Variants in KCNK2 observed in about 807,000 individuals in gnomAD.
KCNK2 encodes potassium channel subfamily K member 2.
A neutral mutation model predicts 40.5 loss-of-function variants in KCNK2; 21 were observed. That is an observed-to-expected ratio of 0.52 (90% CI 0.37 to 0.75). The LOEUF (loss-of-function observed/expected upper bound fraction) is 0.75, where lower values mean the gene tolerates loss of function less well. Ranked by LOEUF, KCNK2 falls within the 30% of genes least tolerant of loss-of-function variation. The pLI, the probability that KCNK2 is intolerant of heterozygous loss-of-function variation, is 0.00. For synonymous variants in KCNK2, 191 were observed against 202.2 expected, an observed-to-expected ratio of 0.94 and a Z score of 0.47; for missense variants, 399 against 531.6, an observed-to-expected ratio of 0.75 and a Z score of 2.45.
intron 2 of KCNK2, among the ~76,000 whole-genome samples, chr1:215,093,667 T>G (rs12080877): frequency 0.01 from 1,027 of 99,180 alleles, 20 homozygotes; most frequent in African/African-American, 0.041. Context: ...AGGATATATA[T>G]AGAATATACA....
intron 5 of KCNK2, among the ~76,000 whole-genome samples, chr1:215,178,667 C>A (rs1664095139): frequency 6.6e-6 from 1 of 152,048 alleles, no homozygotes; most frequent in Non-Finnish European, 1.5e-5. Flanking sequence ...ATTTATTGAT[C>A]TGTATATGGT....
chr1:215,218,707 C>T lies in KCNK2; in HGVS notation c.964-16121C>T, dbSNP rs554979604. On this transcript the variant is annotated intron_variant, in intron 6 of 6. Coordinates refer to ENST00000444842, the MANE Select transcript of KCNK2 (RefSeq NM_001017425.3). ...TCCCTCCTAAATGTCCTGTTTCCCT[C>T]CTTACTTCTCATCAACTCCTTTCTT... 3.9e-5 allele frequency among the ~76,000 whole-genome samples: 6 copies of T among 152,280 alleles called. No individual in the cohort carries two copies. In the East Asian group the frequency reaches 1.2e-3, roughly 29 times the overall value.
chr1:215,108,001 G>A (rs1330732323), intron 2 of KCNK2, among the ~76,000 whole-genome samples: 3 of 152,106 alleles, frequency 2.0e-5, no homozygotes, highest in Non-Finnish European at 4.4e-5. Flanking sequence ...GCGGTCAGGG[G>A]AGGATGGTTT....
chr1:215,229,937 C>T (rs1666552547), intron 6 of KCNK2, among the ~76,000 whole-genome samples: 1 of 151,338 alleles, frequency 6.6e-6, no homozygotes, highest in African/African-American at 2.4e-5. Context: ...CAAACCATAT[C>T]ATCTTCACCT....
chr1:215,072,812 G>A (rs1658801492), intron 1 of KCNK2, among the ~76,000 whole-genome samples: 1 of 152,146 alleles, frequency 6.6e-6, no homozygotes, highest in Non-Finnish European at 1.5e-5. Flanking sequence ...AAGACAACAA[G>A]GTCCCTTGTC....
At chr1:215,102,336 T>A (rs928838784) in intron 2 of KCNK2, among the ~76,000 whole-genome samples, 4 of 151,968 alleles carry the variant, frequency 2.6e-5, no homozygotes, top group Non-Finnish European at 4.4e-5. Flanking sequence ...TTAAAACTGT[T>A]TGATTTAAAA....
At chr1:215,096,054 T>G (rs1026614622) in intron 2 of KCNK2, among the ~76,000 whole-genome samples, 1 of 152,108 alleles carries the variant, frequency 6.6e-6, no homozygotes, top group Non-Finnish European at 1.5e-5. Context: ...TGTTGGATTA[T>G]ACGACTTTTA....
At chr1:215,214,311 C>T (rs928081721) in intron 6 of KCNK2, among the ~76,000 whole-genome samples, 1 of 152,044 alleles carries the variant, frequency 6.6e-6, no homozygotes, top group African/African-American at 2.4e-5. Context: ...TTTTAAACAA[C>T]CAGATCTTAC....
At chr1:215,186,896 C>T (rs1664461417) in intron 5 of KCNK2, among the ~76,000 whole-genome samples, 1 of 152,158 alleles carries the variant, frequency 6.6e-6, no homozygotes, top group South Asian at 2.1e-4. Flanking sequence ...GTGGCAAGTG[C>T]AGAGTAATTC....
intron 2 of KCNK2, among the ~76,000 whole-genome samples, chr1:215,120,492 G>A (rs1198536549): frequency 6.6e-6 from 1 of 152,110 alleles, no homozygotes; most frequent in Admixed American, 6.5e-5. Context: ...TACTTTTGAT[G>A]CAAGTATAAT....
chr1:215,095,399 C>T (rs919538114), intron 2 of KCNK2, among the ~76,000 whole-genome samples: 1 of 152,066 alleles, frequency 6.6e-6, no homozygotes, highest in Admixed American at 6.6e-5. Context: ...CTGCATCTTC[C>T]TAGAGATACT....
At chr1:215,226,452 G>T (rs561197610) in intron 6 of KCNK2, among the ~76,000 whole-genome samples, 2 of 151,978 alleles carry the variant, frequency 1.3e-5, no homozygotes, top group South Asian at 4.2e-4. Context: ...CAGCCTCCTG[G>T]GTAGCTGGGA....
chr1:215,083,602 T>G, intron 1 of KCNK2, 171 bp downstream of exon 1: 2 of 621,848 alleles, frequency 3.2e-6, no homozygotes, highest in Non-Finnish European at 5.8e-6. Context: ...CCTTGCCAGA[T>G]CCTCTCCACG....
rs1375142233 is a variant in KCNK2, at chr1:215,236,793, G to A, written c.*1648G>A. The A allele has an allele frequency of 6.6e-6, 1 of 151,590 alleles. No individual in the cohort carries two copies. Among genetic ancestry groups the A allele is most frequent in the Non-Finnish European group, 1.5e-5 (1 of 67,914 alleles). The allele number at this position is 151,590 out of a possible 1,614,324, so 9.4% of individuals were successfully genotyped here. ...GGTGGGAGCTGTATCTGAATAAGTG[G>A]CATTCAGATTAGGGTCTTGAAAAAT... On this transcript the variant is annotated 3_prime_UTR_variant, in exon 7 of 7. Transcript: ENST00000444842.
chr1:215,079,469 A>C (rs774519534), upstream of KCNK2, among the ~76,000 whole-genome samples: 1 of 152,228 alleles, frequency 6.6e-6, no homozygotes, highest in African/African-American at 2.4e-5. Flanking sequence ...ATGTTTATCA[A>C]ACACATATTT....
At chr1:215,008,356 T>C (rs1160059420) in intron 1 of KCNK2, among the ~76,000 whole-genome samples, 1 of 152,102 alleles carries the variant, frequency 6.6e-6, no homozygotes, top group African/African-American at 2.4e-5. Context: ...GCCAGAGCCA[T>C]CTAAAAATTT....
At chr1:215,227,222 A>T (rs1666419379) in intron 6 of KCNK2, among the ~76,000 whole-genome samples, 1 of 152,242 alleles carries the variant, frequency 6.6e-6, no homozygotes, top group Admixed American at 6.5e-5. Context: ...TAATTGTAGT[A>T]AGTTGTGTTG....
intron 1 of KCNK2, 119 bp downstream of exon 1, chr1:215,083,550 G>C (rs1363280608): frequency 7.8e-6 from 6 of 766,966 alleles, no homozygotes; most frequent in Non-Finnish European, 1.4e-5. Flanking sequence ...TCTTCGCTTC[G>C]CGTCCAAAGT....
chr1:215,051,936 C>T (rs1171059640), intron 1 of KCNK2, among the ~76,000 whole-genome samples: 1 of 152,134 alleles, frequency 6.6e-6, no homozygotes, highest in Non-Finnish European at 1.5e-5. Flanking sequence ...AGAATATGCT[C>T]ACCTGCAAAC....
Sources: allele counts gnomAD v4.1 joint callset (sites outside exome capture counted in the v4.1 genomes callset), GRCh38; gene constraint gnomAD v4.1.1; transcripts MANE v1.5; gene names NCBI Gene and HGNC (gene_info 2026-07-23, HGNC 2026-07-21).